CLCN3: variants seen among roughly 807,000 people sequenced by gnomAD.
CLCN3 encodes the protein Cl-/H+ antiporter 3.
A neutral mutation model predicts 83.4 loss-of-function variants in CLCN3; 16 were observed. The ratio of observed to expected loss-of-function variants is 0.19; its 90% CI spans 0.13 to 0.29. CLCN3 has a LOEUF of 0.29. Among genes scored for constraint, CLCN3 ranks in the 10% least tolerant of loss-of-function variants. The pLI is 1.00. For missense variants in CLCN3, 544 were observed against 1,006.0 expected, an observed-to-expected ratio of 0.54 and a Z score of 6.21; for synonymous variants, 322 against 346.2, an observed-to-expected ratio of 0.93 and a Z score of 0.78.
intron 2 of CLCN3, among the ~76,000 whole-genome samples, chr4:169,654,565 A>G (rs1447001583): frequency 6.6e-6 from 1 of 151,810 alleles, no homozygotes; most frequent in Non-Finnish European, 1.5e-5. Flanking sequence ...CTTTTTTATT[A>G]TCACTATTTA....
chr4:169,635,907 C>T lies in CLCN3; in HGVS notation c.-16-6C>T. The T allele has an allele frequency of 4.0e-6, 6 of 1,516,132 alleles. No homozygotes were observed. Among genetic ancestry groups the T allele is most frequent in the South Asian group, 1.3e-5 (1 of 77,266 alleles). The allele number at this position is 1,516,132 out of a possible 1,614,324, so 93.9% of individuals were successfully genotyped here. On this transcript the variant is annotated splice_region_variant and splice_polypyrimidine_tract_variant and intron_variant, in intron 1 of 12. Transcript: ENST00000513761. ...AAATGTTAAAACTACTTTTTCCCCC[C>T]CACAGATAATCAGACAGCTAAATGG...
At chr4:169,644,148 A>G (rs1453791207) in intron 2 of CLCN3, among the ~76,000 whole-genome samples, 1 of 152,208 alleles carries the variant, frequency 6.6e-6, no homozygotes, top group East Asian at 1.9e-4. Flanking sequence ...ATGTGTACTC[A>G]AGAGTTGTGA....
chr4:169,657,585 ATAT>A (rs1333004020), intron 2 of CLCN3, among the ~76,000 whole-genome samples: 2 of 152,222 alleles, frequency 1.3e-5, no homozygotes, highest in South Asian at 2.1e-4. Flanking sequence ...AACTCTTAAA[ATAT>A]TATTATCATC....
At chr4:169,664,716 G>T (rs1002022951) in intron 2 of CLCN3, among the ~76,000 whole-genome samples, 20 of 152,070 alleles carry the variant, frequency 1.3e-4, no homozygotes. Context: ...ATAAAATCTG[G>T]TTCATATTAC....
chr4:169,716,717 C>A (rs1458053037), intron 12 of CLCN3, among the ~76,000 whole-genome samples: 1 of 152,060 alleles, frequency 6.6e-6, no homozygotes. Flanking sequence ...CATTCCCATT[C>A]TCTATCCTCC....
intron 2 of CLCN3, among the ~76,000 whole-genome samples, chr4:169,648,567 A>C (rs116071950): frequency 1.0e-3 from 159 of 152,348 alleles, no homozygotes; most frequent in African/African-American, 3.7e-3. Flanking sequence ...GCAAATAATT[A>C]TTAGACTCCT....
At chr4:169,642,551 A>G (rs1338804293) in intron 2 of CLCN3, among the ~76,000 whole-genome samples, 1 of 152,072 alleles carries the variant, frequency 6.6e-6, no homozygotes, top group Non-Finnish European at 1.5e-5. Flanking sequence ...CTTGCCAGAC[A>G]GGGGTCTGAC....
intron 6 of CLCN3, 86 bp downstream of exon 6, chr4:169,690,738 G>A: frequency 7.8e-7 from 1 of 1,274,270 alleles, no homozygotes; most frequent in Non-Finnish European, 1.1e-6. Context: ...TGGCTTTTCT[G>A]GAGGGAGGGG....
chr4:169,695,698 T>C lies in CLCN3; in HGVS notation c.1017+6T>C. On this transcript the variant is annotated splice_donor_region_variant and intron_variant, in intron 8 of 12. Coordinates refer to ENST00000513761, the MANE Select transcript of CLCN3 (RefSeq NM_001829.4). Reference sequence around the variant, plus strand: ...TTCTTTTTAGCCTGGAAGAGGTAGGTGAAAAGAATACAACAATTAAAATTA... The same window carrying C: ...TTCTTTTTAGCCTGGAAGAGGTAGGCGAAAAGAATACAACAATTAAAATTA... 1 of 1,587,012 alleles carries C rather than the reference T, an allele frequency of 6.3e-7. No homozygotes were observed. Among genetic ancestry groups the C allele is most frequent in the Admixed American group, 1.7e-5 (1 of 59,492 alleles).
intron 8 of CLCN3, among the ~76,000 whole-genome samples, chr4:169,696,811 TTC>T (rs1732581030): frequency 7.1e-6 from 1 of 141,586 alleles, no homozygotes; most frequent in Non-Finnish European, 1.5e-5. Context: ...GTTGTTTGTA[TTC>T]TTTTTTTTTT....
At chr4:169,697,145 T>A (rs1348166763) in intron 8 of CLCN3, 44 bp from the exon 9 acceptor site, 14 of 1,351,428 alleles carry the variant, frequency 1.0e-5, no homozygotes, top group Non-Finnish European at 1.2e-5. Context: ...AAACATCTTA[T>A]AAAATTATAG....
At chr4:169,657,832 T>C (rs1730930907) in intron 2 of CLCN3, among the ~76,000 whole-genome samples, 1 of 152,146 alleles carries the variant, frequency 6.6e-6, no homozygotes, top group African/African-American at 2.4e-5. Flanking sequence ...TCTTCTGCTC[T>C]CTCTCTATCT....
At chr4:169,689,339 A>G in intron 5 of CLCN3, 109 bp downstream of exon 5, 2 of 888,930 alleles carry the variant, frequency 2.2e-6, no homozygotes, top group Non-Finnish European at 3.3e-6. Context: ...TACACATCAA[A>G]TGGATCCACC....
chr4:169,668,066 T>C (rs1475144366), intron 2 of CLCN3, among the ~76,000 whole-genome samples: 81 of 149,222 alleles, frequency 5.4e-4, no homozygotes, highest in Non-Finnish European at 1.0e-3. Context: ...TTTTTTTTTT[T>C]GCTGTCTTTG....
intron 4 of CLCN3, 94 bp downstream of exon 4, chr4:169,687,851 A>G (rs980015731): frequency 1.6e-6 from 1 of 606,992 alleles, no homozygotes; most frequent in African/African-American, 1.9e-5. Context: ...GTACCATTGG[A>G]TTTTAAAAAG....
intron 2 of CLCN3, among the ~76,000 whole-genome samples, chr4:169,669,939 A>T (rs2150228331): frequency 6.6e-6 from 1 of 152,300 alleles, no homozygotes; most frequent in Admixed American, 6.5e-5. Flanking sequence ...AGTGTCTGTT[A>T]ATATACTTTG....
At position 169,633,107 on chromosome 4, in the gene CLCN3, G is replaced by T. The variant is rs573724287; in HGVS notation, c.-16-2806G>T. Among the ~76,000 whole-genome samples the T allele has an allele frequency of 1.2e-3, 183 of 152,226 alleles. 1 individual carries two copies. The highest frequency in any genetic ancestry group is 2.3e-3 in the Non-Finnish European group (157 of 68,018). Reference sequence around the variant, plus strand: ...AGCTCACTGCAACTGCCGCCTCTCTGGCTCAAGCGATTTTCATGCCTCAGG... The same window carrying T: ...AGCTCACTGCAACTGCCGCCTCTCTTGCTCAAGCGATTTTCATGCCTCAGG... On this transcript the variant is annotated intron_variant, in intron 1 of 12. Transcript: ENST00000513761.
intron 2 of CLCN3, 87 bp downstream of exon 2, chr4:169,636,175 A>G (rs1773496617): frequency 2.2e-5 from 27 of 1,211,140 alleles, no homozygotes; most frequent in Admixed American, 4.9e-5. Context: ...TGAATTTTTC[A>G]GTAACTTTAA....
intron 11 of CLCN3, among the ~76,000 whole-genome samples, chr4:169,710,649 T>A (rs1422465588): frequency 1.3e-5 from 2 of 152,214 alleles, no homozygotes; most frequent in African/African-American, 4.8e-5. Flanking sequence ...AGAGAAACAT[T>A]CCATTAAATA....
Sources: gnomAD v4.1 joint callset for allele counts (sites outside exome capture counted in the v4.1 genomes callset) on GRCh38, gnomAD v4.1.1 for gene constraint, MANE v1.5 for transcripts, NCBI Gene and HGNC (gene_info 2026-07-23, HGNC 2026-07-21) for gene names.